Variants in CSMD1 observed in about 807,000 individuals in gnomAD.
The protein encoded by CSMD1 is CUB and Sushi multiple domains 1.
In CSMD1, 213 loss-of-function variants were observed where a neutral mutation model predicts 417.5. The observed-to-expected ratio is 0.51, with a 90% CI of 0.46 to 0.57. The LOEUF is 0.57. Among genes scored for constraint, CSMD1 ranks in the 20% least tolerant of loss-of-function variants. The pLI is 0.00. For missense variants in CSMD1, 6,923 were observed against 4,529.7 expected, an observed-to-expected ratio of 1.53 and a Z score of -15.17; for synonymous variants, 2,862 against 1,736.8, an observed-to-expected ratio of 1.65 and a Z score of -16.11.
chr8:2,971,029 T>A (rs1804412312), intron 57 of CSMD1, among the ~76,000 whole-genome samples: 1 of 152,224 alleles, frequency 6.6e-6, no homozygotes, highest in Non-Finnish European at 1.5e-5. Flanking sequence ...TATGTGAGTG[T>A]AAGTTACAGA....
chr8:3,655,739 T>C (rs1290750289), intron 7 of CSMD1, among the ~76,000 whole-genome samples: 2 of 150,922 alleles, frequency 1.3e-5, no homozygotes, highest in African/African-American at 4.9e-5. Flanking sequence ...AGCACAAACA[T>C]GCTCATTGGG....
chr8:3,307,852 C>G (rs1420510896), intron 24 of CSMD1, 31 bp from the exon 25 acceptor site: 3 of 1,600,968 alleles, frequency 1.9e-6, no homozygotes, highest in Non-Finnish European at 1.7e-6. Context: ...TGGGAACGTT[C>G]AGCTTCAGGC....
chr8:3,174,529 C>G (rs182300944), intron 37 of CSMD1, among the ~76,000 whole-genome samples: 1 of 152,244 alleles, frequency 6.6e-6, no homozygotes, highest in Non-Finnish European at 1.5e-5. Context: ...AAAATTGAGA[C>G]ATAAAGATCA....
intron 5 of CSMD1, among the ~76,000 whole-genome samples, chr8:3,877,490 G>A (rs541818177): frequency 2.3e-4 from 35 of 152,200 alleles, no homozygotes; most frequent in African/African-American, 6.0e-4. Context: ...CTTCTAAGAC[G>A]AGGGAGGAAA....
rs1386419251 is a variant in CSMD1, at chr8:4,259,912, G to C, written c.415+160041C>G. Among the ~76,000 whole-genome samples the C allele has an allele frequency of 2.0e-5, 3 of 152,020 alleles. No individual in the cohort carries two copies. In the East Asian group the frequency reaches 5.8e-4, roughly 29 times the overall value. ...TTGCTACCGCATAGTCTCTTCTGTT[G>C]TATAATACTACAAAATTATATCCAT... On this transcript the variant is annotated intron_variant, in intron 3 of 69. Transcript: ENST00000635120.
chr8:3,971,576 T>A (rs1166080283), intron 5 of CSMD1, among the ~76,000 whole-genome samples: 2 of 152,182 alleles, frequency 1.3e-5, no homozygotes, highest in Non-Finnish European at 2.9e-5. Flanking sequence ...ATTAATACCA[T>A]AATTTTGTAG....
chr8:3,156,583 T>C (rs753566322), intron 39 of CSMD1, among the ~76,000 whole-genome samples: 8 of 152,056 alleles, frequency 5.3e-5, no homozygotes, highest in African/African-American at 1.4e-4. Flanking sequence ...TCAGAGAGCA[T>C]TGAGGAGGGG....
At chr8:3,852,162 A>T (rs904828404) in intron 5 of CSMD1, among the ~76,000 whole-genome samples, 1 of 152,184 alleles carries the variant, frequency 6.6e-6, no homozygotes, top group African/African-American at 2.4e-5. Flanking sequence ...ACTTGATTCT[A>T]CAAGAATCTA....
At chr8:3,908,567 A>G (rs1808260471) in intron 5 of CSMD1, among the ~76,000 whole-genome samples, 1 of 152,200 alleles carries the variant, frequency 6.6e-6, no homozygotes, top group Non-Finnish European at 1.5e-5. Context: ...TATGGAGCTC[A>G]CATTTGCCTC....
intron 30 of CSMD1, among the ~76,000 whole-genome samples, chr8:3,212,336 T>C (rs1797659459): frequency 6.6e-6 from 1 of 152,184 alleles, no homozygotes; most frequent in African/African-American, 2.4e-5. Flanking sequence ...ACCTGGCCTA[T>C]GATCACGATT....
intron 5 of CSMD1, among the ~76,000 whole-genome samples, chr8:3,767,687 A>C (rs1363702110): frequency 6.6e-6 from 1 of 152,194 alleles, no homozygotes; most frequent in Non-Finnish European, 1.5e-5. Flanking sequence ...CCTATATATT[A>C]TGTATATTAT....
intron 2 of CSMD1, among the ~76,000 whole-genome samples, chr8:4,552,650 A>G (rs1797923789): frequency 6.6e-6 from 1 of 152,138 alleles, no homozygotes; most frequent in African/African-American, 2.4e-5. Flanking sequence ...CTGTTTTCTG[A>G]GGTACCAAGC....
chr8:3,761,287 G>A (rs1026761480), intron 5 of CSMD1, among the ~76,000 whole-genome samples: 1 of 151,912 alleles, frequency 6.6e-6, no homozygotes, highest in Non-Finnish European at 1.5e-5. Context: ...ATAATACCCA[G>A]ACACAAATAT....
intron 3 of CSMD1, among the ~76,000 whole-genome samples, chr8:4,139,279 T>G (rs554035309): frequency 6.6e-6 from 1 of 152,314 alleles, no homozygotes; most frequent in African/African-American, 2.4e-5. Context: ...TGTTGCATAA[T>G]TGGCACCCTG....
chr8:4,746,771 C>A (rs1028479888), intron 1 of CSMD1, among the ~76,000 whole-genome samples: 4 of 152,132 alleles, frequency 2.6e-5, no homozygotes, highest in Non-Finnish European at 5.9e-5. Context: ...GCAGCGAGGT[C>A]ATTCTGAAGG....
chr8:4,658,826 G>A (rs747229052), intron 1 of CSMD1, among the ~76,000 whole-genome samples: 2 of 152,094 alleles, frequency 1.3e-5, no homozygotes, highest in Admixed American at 6.5e-5. Context: ...AATTTATGAG[G>A]ATATAATATG....
chr8:3,124,287 G>C (rs1362928328), intron 41 of CSMD1, among the ~76,000 whole-genome samples: 1 of 152,018 alleles, frequency 6.6e-6, no homozygotes, highest in Non-Finnish European at 1.5e-5. Flanking sequence ...TCTTACTCTG[G>C]TGAATTTAGG....
chr8:3,228,326 G>C (rs966300500), intron 27 of CSMD1, among the ~76,000 whole-genome samples: 1 of 152,220 alleles, frequency 6.6e-6, no homozygotes, highest in Non-Finnish European at 1.5e-5. Flanking sequence ...TAATGGGCAA[G>C]CTTCTTACAG....
At chr8:2,960,545 TTTCTCCAACGTTCAC>T in intron 62 of CSMD1, among the ~76,000 whole-genome samples, 1 of 152,218 alleles carries the variant, frequency 6.6e-6, no homozygotes, top group Non-Finnish European at 1.5e-5. Flanking sequence ...CTTTTAGGTA[TTTCTCCAACGTTCAC>T]TGAAGTGTTA....
Sources: gnomAD v4.1 joint callset for allele counts (sites outside exome capture counted in the v4.1 genomes callset) on GRCh38, gnomAD v4.1.1 for gene constraint, MANE v1.5 for transcripts, NCBI Gene and HGNC (gene_info 2026-07-23, HGNC 2026-07-21) for gene names.